The following PPP3CA variants were observed in gnomAD, a reference collection of about 807,000 sequenced individuals.
The protein encoded by PPP3CA is CAM-PRP catalytic subunit.
In PPP3CA, 14 loss-of-function variants were observed where a neutral mutation model predicts 66.5. The ratio of observed to expected loss-of-function variants is 0.21; its 90% CI spans 0.14 to 0.33. PPP3CA has a LOEUF of 0.33. Among genes scored for constraint, PPP3CA ranks in the 10% least tolerant of loss-of-function variants. The pLI is 1.00. For synonymous variants in PPP3CA, 232 were observed against 226.2 expected, an observed-to-expected ratio of 1.03 and a Z score of -0.23; for missense variants, 317 against 639.5, an observed-to-expected ratio of 0.50 and a Z score of 5.44.
At chr4:101,038,342 T>C (rs1243467500) in intron 11 of PPP3CA, among the ~76,000 whole-genome samples, 1 of 152,112 alleles carries the variant, frequency 6.6e-6, no homozygotes, top group Admixed American at 6.5e-5. Flanking sequence ...GGGTATCTAT[T>C]CATGTAGTTA....
intron 1 of PPP3CA, among the ~76,000 whole-genome samples, chr4:101,333,099 CT>C (rs1207071385): frequency 8.3e-6 from 1 of 120,346 alleles, no homozygotes; most frequent in African/African-American, 3.1e-5. Flanking sequence ...ATGCCATCTT[CT>C]TTCTTTTTTT....
chr4:101,303,537 A>C (rs537973866), intron 1 of PPP3CA, among the ~76,000 whole-genome samples: 1 of 152,178 alleles, frequency 6.6e-6, no homozygotes, highest in Non-Finnish European at 1.5e-5. Flanking sequence ...GCTGCATGAC[A>C]TCCCATAGTT....
chr4:101,116,092 T>C (rs535583205), intron 2 of PPP3CA, among the ~76,000 whole-genome samples: 3 of 150,444 alleles, frequency 2.0e-5, no homozygotes, highest in East Asian at 3.9e-4. Context: ...AAAGACCTTT[T>C]AGTTTCTCCA....
At chr4:101,314,777 A>G (rs1255626064) in intron 1 of PPP3CA, among the ~76,000 whole-genome samples, 1 of 152,080 alleles carries the variant, frequency 6.6e-6, no homozygotes, top group Non-Finnish European at 1.5e-5. Flanking sequence ...TGAACTAGAG[A>G]AAGAAAAATG....
chr4:101,197,456 A>C (rs1405715280), intron 1 of PPP3CA, among the ~76,000 whole-genome samples: 1 of 152,170 alleles, frequency 6.6e-6, no homozygotes, highest in African/African-American at 2.4e-5. Context: ...GCTGAGCAGG[A>C]GGCTTTTGTG....
intron 1 of PPP3CA, among the ~76,000 whole-genome samples, chr4:101,244,147 T>C (rs766577965): frequency 1.3e-5 from 2 of 152,156 alleles, no homozygotes; most frequent in African/African-American, 2.4e-5. Flanking sequence ...TTAAATCATC[T>C]CATATTTAGT....
intron 1 of PPP3CA, among the ~76,000 whole-genome samples, chr4:101,227,310 T>C (rs1463315046): frequency 6.6e-6 from 1 of 151,816 alleles, no homozygotes; most frequent in Non-Finnish European, 1.5e-5. Flanking sequence ...ACCACTGCTT[T>C]TTCTTCATAA....
At chr4:101,266,482 A>G (rs1016561407) in intron 1 of PPP3CA, among the ~76,000 whole-genome samples, 1 of 152,222 alleles carries the variant, frequency 6.6e-6, no homozygotes, top group Non-Finnish European at 1.5e-5. Flanking sequence ...ACAGTATTAT[A>G]TAGCGTGATT....
intron 1 of PPP3CA, among the ~76,000 whole-genome samples, chr4:101,339,559 G>A (rs1211566852): frequency 1.3e-5 from 2 of 152,116 alleles, no homozygotes; most frequent in South Asian, 2.1e-4. Context: ...TGATTGGGCT[G>A]GAGAAAGAAG....
At position 101,101,204 on chromosome 4, in the gene PPP3CA, C is replaced by T. The variant is rs560488831; in HGVS notation, c.385-1482G>A. On this transcript the variant is annotated intron_variant, in intron 3 of 13. Coordinates refer to ENST00000394854, the MANE Select transcript of PPP3CA (RefSeq NM_000944.5). Reference sequence around the variant, plus strand: ...AAGTTGACCAAATGGCCTGTACAAGCGATCCTTAAAGCATCATGATCTGTT... The same window carrying T: ...AAGTTGACCAAATGGCCTGTACAAGTGATCCTTAAAGCATCATGATCTGTT... Among the ~76,000 whole-genome samples, 6 of 152,168 alleles carry T rather than the reference C, an allele frequency of 3.9e-5. No homozygotes were observed. In the South Asian group the frequency reaches 8.3e-4, roughly 21 times the overall value.
chr4:101,196,668 T>A (rs1156454739), intron 1 of PPP3CA, among the ~76,000 whole-genome samples: 2 of 152,092 alleles, frequency 1.3e-5, no homozygotes, highest in Non-Finnish European at 2.9e-5. Flanking sequence ...GATAAGGAAA[T>A]CAGGATTTGC....
chr4:101,140,003 A>G (rs1440931506), intron 2 of PPP3CA, among the ~76,000 whole-genome samples: 1 of 152,100 alleles, frequency 6.6e-6, no homozygotes, highest in Non-Finnish European at 1.5e-5. Context: ...GTAACAAATT[A>G]TCTCTTTTAC....
rs969156189 is a variant in PPP3CA at position 101,346,983 on chromosome 4, C to A, written c.-187G>T. On this transcript the variant is annotated 5_prime_UTR_variant, in exon 1 of 14. Coordinates refer to ENST00000394854, the MANE Select transcript of PPP3CA (RefSeq NM_000944.5). The stretch of plus-strand genomic sequence containing the variant: ...GCCTTTTCCGCGCGTCCCTCCTCCG[C>A]CGCCGCCGCCTTCACTCCTCCTCCG... 2.3e-5 allele frequency: 15 copies of A among 645,462 alleles called. No homozygotes were observed. Among genetic ancestry groups the A allele is most frequent in the Non-Finnish European group, 3.7e-5 (14 of 377,654 alleles). 40.0% of individuals were successfully genotyped at this position (645,462 alleles called of 1,614,324 possible). A position where few individuals can be genotyped will look rare whatever the true frequency, so the allele number is the denominator to read the frequency against.
intron 8 of PPP3CA, among the ~76,000 whole-genome samples, chr4:101,076,669 G>A (rs1483282160): frequency 2.6e-5 from 4 of 152,182 alleles, no homozygotes; most frequent in Non-Finnish European, 5.9e-5. Flanking sequence ...TCAGGGCAAT[G>A]AGGTTTACTC....
intron 1 of PPP3CA, among the ~76,000 whole-genome samples, chr4:101,283,081 C>A (rs535998453): frequency 6.6e-6 from 1 of 152,118 alleles, no homozygotes; most frequent in Non-Finnish European, 1.5e-5. Flanking sequence ...AACAAAAAAC[C>A]CTTCAAAATC....
At chr4:101,162,292 G>C (rs1339422504) in intron 2 of PPP3CA, among the ~76,000 whole-genome samples, 2 of 150,526 alleles carry the variant, frequency 1.3e-5, no homozygotes, top group African/African-American at 4.9e-5. Context: ...CAGCACTTTG[G>C]GAGGCTGAGG....
intron 4 of PPP3CA, 40 bp from the exon 5 acceptor site, chr4:101,098,552 C>T (rs760977126): frequency 2.0e-6 from 3 of 1,537,014 alleles, no homozygotes; most frequent in East Asian, 4.8e-5. Context: ...GATTTATAGG[C>T]AGGATCATTT....
chr4:101,206,487 C>T lies in PPP3CA; in HGVS notation c.59-10371G>A, dbSNP rs528633549. Among the ~76,000 whole-genome samples, 162 of 152,260 alleles carry T rather than the reference C, an allele frequency of 1.1e-3. 2 individuals carry two copies. In the South Asian group the frequency reaches 0.031, roughly 29 times the overall value. ...TCTTGGGAGATAATTTGCATCCATACGTAAGGTAAATTTTGTGCATAAAAG... is the reference window on the plus strand; with the variant it reads ...TCTTGGGAGATAATTTGCATCCATATGTAAGGTAAATTTTGTGCATAAAAG... On this transcript the variant is annotated intron_variant, in intron 1 of 13. Coordinates refer to ENST00000394854, the MANE Select transcript of PPP3CA (RefSeq NM_000944.5).
chr4:101,239,296 T>G (rs879893745), intron 1 of PPP3CA, among the ~76,000 whole-genome samples: 10 of 152,144 alleles, frequency 6.6e-5, no homozygotes, highest in Non-Finnish European at 2.9e-5. Flanking sequence ...TTTAATCTTA[T>G]TCCAAAAGCA....
Sources: allele counts gnomAD v4.1 joint callset (sites outside exome capture counted in the v4.1 genomes callset), GRCh38; gene constraint gnomAD v4.1.1; transcripts MANE v1.5; gene names NCBI Gene and HGNC (gene_info 2026-07-23, HGNC 2026-07-21).